The following PGAP1 variants were observed in gnomAD, a reference collection of about 807,000 sequenced individuals.
The protein encoded by PGAP1 is post-GPI attachment to proteins inositol deacylase 1, also known as GPI inositol-deacylase.
PGAP1 carries 76 observed loss-of-function variants against 127.0 expected under a neutral mutation model. The observed-to-expected ratio is 0.60, with a 90% CI of 0.50 to 0.72. PGAP1 has a LOEUF of 0.72. Ranked by LOEUF, PGAP1 falls within the 30% of genes least tolerant of loss-of-function variation. The probability of loss-of-function intolerance (pLI) is 0.00; values close to 1 mark genes in which losing one functional copy is unlikely to be tolerated. For missense variants in PGAP1, 982 were observed against 1,071.3 expected, an observed-to-expected ratio of 0.92 and a Z score of 1.16; for synonymous variants, 362 against 366.5, an observed-to-expected ratio of 0.99 and a Z score of 0.14.
chr2:196,875,404 G>T (rs1396110505), intron 14 of PGAP1, among the ~76,000 whole-genome samples: 1 of 152,108 alleles, frequency 6.6e-6, no homozygotes, highest in Non-Finnish European at 1.5e-5. Flanking sequence ...AAGTTTAAAA[G>T]AATATTTAGA....
At chr2:196,885,398 A>T in intron 12 of PGAP1, 26 bp downstream of exon 12, 1 of 1,532,884 alleles carries the variant, frequency 6.5e-7, no homozygotes, top group African/African-American at 1.4e-5. Flanking sequence ...TCAACTGAAT[A>T]TTAAAATTCT....
intron 9 of PGAP1, 44 bp from the exon 10 acceptor site, chr2:196,890,955 A>G (rs1240745436): frequency 2.1e-6 from 2 of 968,714 alleles, no homozygotes; most frequent in East Asian, 4.8e-5. Flanking sequence ...TAATGAGCAG[A>G]TTAGTTTCAT....
intron 14 of PGAP1, among the ~76,000 whole-genome samples, chr2:196,874,312 T>TA (rs1417119860): frequency 3.3e-5 from 5 of 152,156 alleles, no homozygotes; most frequent in African/African-American, 1.2e-4. Context: ...ATAAAATAGA[T>TA]ACCTCTGAGT....
chr2:196,892,697 T>C (rs1279371044), intron 8 of PGAP1, among the ~76,000 whole-genome samples: 1 of 152,220 alleles, frequency 6.6e-6, no homozygotes, highest in South Asian at 2.1e-4. Flanking sequence ...ATATAACAGG[T>C]ATAATTTGCT....
chr2:196,891,766 A>T (rs916268794), intron 9 of PGAP1, among the ~76,000 whole-genome samples: 7 of 152,138 alleles, frequency 4.6e-5, no homozygotes, highest in Admixed American at 1.3e-4. Flanking sequence ...ATTAAACATC[A>T]TAATTTTTGC....
chr2:196,885,797 A>G, intron 11 of PGAP1, 37 bp downstream of exon 11: 1 of 1,336,656 alleles, frequency 7.5e-7, no homozygotes, highest in Admixed American at 2.8e-5. Flanking sequence ...AGTATTGTTT[A>G]TGTTGAGATA....
chr2:196,915,855 C>A lies in PGAP1; in HGVS notation c.477+563G>T, dbSNP rs1022653431. Among the ~76,000 whole-genome samples, 3 of 152,346 alleles carry A rather than the reference C, an allele frequency of 2.0e-5. No individual in the cohort carries two copies. The East Asian group carries it at 5.8e-4, about 29-fold the overall frequency. On this transcript the variant is annotated intron_variant, in intron 3 of 26. Coordinates refer to ENST00000354764, the MANE Select transcript of PGAP1 (RefSeq NM_024989.4). ...CTCTCTTCTTTCTCATACCATGTCGCATTTAGCTGCTTCAGCAGCCCCCAA... is the reference window on the plus strand; with the variant it reads ...CTCTCTTCTTTCTCATACCATGTCGAATTTAGCTGCTTCAGCAGCCCCCAA...
chr2:196,834,687 T>C lies in PGAP1; in HGVS notation c.*6547A>G, dbSNP rs1416905588. 1.3e-5 allele frequency: 2 copies of C among 152,122 alleles called. No individual in the cohort carries two copies. The highest frequency in any genetic ancestry group is 1.9e-4 in the East Asian group (1 of 5,188). 9.4% of individuals were successfully genotyped at this position (152,122 alleles called of 1,614,324 possible). A position where few individuals can be genotyped will look rare whatever the true frequency, so the allele number is the denominator to read the frequency against. ...TACAGTATAAATCGGGAGTTTTTTTTCCACTGCACAGTGGAGGAAGGGAAG... is the reference window on the plus strand; with the variant it reads ...TACAGTATAAATCGGGAGTTTTTTTCCCACTGCACAGTGGAGGAAGGGAAG... On this transcript the variant is annotated 3_prime_UTR_variant, in exon 27 of 27. Coordinates refer to ENST00000354764, the MANE Select transcript of PGAP1 (RefSeq NM_024989.4).
At position 196,844,515 on chromosome 2, in the gene PGAP1, A is replaced by C; in HGVS notation, c.2337+9T>G. ...TAAATTTATGTAGAGTTTTGAAAATAAAACTTACCACAGGCTGGCTATTCT... is the reference window on the plus strand; with the variant it reads ...TAAATTTATGTAGAGTTTTGAAAATCAAACTTACCACAGGCTGGCTATTCT... On this transcript the variant is annotated intron_variant, in intron 24 of 26. Coordinates refer to ENST00000354764, the MANE Select transcript of PGAP1 (RefSeq NM_024989.4). 6.3e-7 allele frequency: 1 copy of C among 1,582,718 alleles called. No individual in the cohort carries two copies. Among genetic ancestry groups the C allele is most frequent in the Non-Finnish European group, 8.6e-7 (1 of 1,166,520 alleles).
rs1001607209 is a variant in PGAP1 at position 196,835,793 on chromosome 2, G to C, written c.*5441C>G. ...TTCCAATGCACAGCTTTATGCTAAA[G>C]AGAATTCAAATGTGTCTCTTTTTTT... On this transcript the variant is annotated 3_prime_UTR_variant, in exon 27 of 27. Transcript: ENST00000354764. 6.6e-6 allele frequency: 1 copy of C among 152,380 alleles called. No individual in the cohort carries two copies. The highest frequency in any genetic ancestry group is 1.5e-5 in the Non-Finnish European group (1 of 67,874). The allele number at this position is 152,380 out of a possible 1,614,324, so 9.4% of individuals were successfully genotyped here. A position where few individuals can be genotyped will look rare whatever the true frequency, so the allele number is the denominator to read the frequency against.
intron 1 of PGAP1, among the ~76,000 whole-genome samples, chr2:196,925,737 T>A (rs557380890): frequency 3.9e-5 from 6 of 152,132 alleles, no homozygotes; most frequent in African/African-American, 1.4e-4. Flanking sequence ...ATGCAACTAT[T>A]AAGAGGCTCG....
chr2:196,923,528 A>C (rs182381897), intron 1 of PGAP1, among the ~76,000 whole-genome samples: 1 of 152,334 alleles, frequency 6.6e-6, no homozygotes, highest in Non-Finnish European at 1.5e-5. Context: ...CACAAGGTAT[A>C]ATTTAGTTCT....
chr2:196,836,576 A>G lies in PGAP1; in HGVS notation c.*4658T>C, dbSNP rs1700240955. On this transcript the variant is annotated 3_prime_UTR_variant, in exon 27 of 27. Transcript: ENST00000354764. ...CTATTATTCTTATTAAAAGTAAAGA[A>G]TGGTAGTAGCTTCACAGCTTTCCTA... is the stretch of plus-strand genomic sequence containing the variant. 1 of 152,168 alleles carries G rather than the reference A, an allele frequency of 6.6e-6. No individual in the cohort carries two copies. Among genetic ancestry groups the G allele is most frequent in the Non-Finnish European group, 1.5e-5 (1 of 67,988 alleles). The allele number at this position is 152,168 out of a possible 1,614,324, so 9.4% of individuals were successfully genotyped here.
chr2:196,855,266 C>T (rs565883856), intron 20 of PGAP1, among the ~76,000 whole-genome samples: 7 of 142,846 alleles, frequency 4.9e-5, no homozygotes, highest in African/African-American at 1.9e-4. Flanking sequence ...GCAGAAGTTG[C>T]AGTGAGCCTA....
At chr2:196,890,089 C>T (rs1023831552) in intron 10 of PGAP1, among the ~76,000 whole-genome samples, 1 of 151,916 alleles carries the variant, frequency 6.6e-6, no homozygotes, top group Non-Finnish European at 1.5e-5. Flanking sequence ...GCTACCACCA[C>T]ACCCAGCTAA....
chr2:196,905,710 GT>G (rs1236965036), intron 4 of PGAP1, among the ~76,000 whole-genome samples: 6 of 150,194 alleles, frequency 4.0e-5, no homozygotes, highest in Non-Finnish European at 3.0e-5. Flanking sequence ...TCACTAGGGA[GT>G]GCCAGACAGT....
Position 196,836,012 on chromosome 2 carries a change from T to C in PGAP1, c.*5222A>G, listed in dbSNP as rs1261499089. 6.6e-6 allele frequency: 1 copy of C among 152,072 alleles called. No homozygotes were observed. Among genetic ancestry groups the C allele is most frequent in the Non-Finnish European group, 1.5e-5 (1 of 67,914 alleles). The allele number at this position is 152,072 out of a possible 1,614,324, so 9.4% of individuals were successfully genotyped here. A position where few individuals can be genotyped will look rare whatever the true frequency, so the allele number is the denominator to read the frequency against. On this transcript the variant is annotated 3_prime_UTR_variant, in exon 27 of 27. Coordinates refer to ENST00000354764, the MANE Select transcript of PGAP1 (RefSeq NM_024989.4). ...ACATTAAAAAATAGCATATGAACTTTACAAAAATGGCTACTTTTAGTCTTC... is the reference window on the plus strand; with the variant it reads ...ACATTAAAAAATAGCATATGAACTTCACAAAAATGGCTACTTTTAGTCTTC...
At chr2:196,884,211 C>T (rs1701823079) in intron 12 of PGAP1, among the ~76,000 whole-genome samples, 1 of 151,948 alleles carries the variant, frequency 6.6e-6, no homozygotes, top group African/African-American at 2.4e-5. Context: ...TACAATTCAT[C>T]CACGTAATAA....
Position 196,843,951 on chromosome 2 carries a change from T to C in PGAP1, c.2462A>G (p.Asn821Ser). ...GAGTAATACAATCCATGTTAGTAAG[T>C]TAATCACAGTACTGTGCATGCGAAG... ...DSLRMHSTVINLLTWIVLLSM... is the reference protein window; with the variant it reads ...DSLRMHSTVISLLTWIVLLSM... The change falls in exon 25 of 27, where the codon AAC becomes AGC. Residue 821 changes from asparagine to serine, a missense_variant. Physicochemically the swap from Asn to Ser is conservative, Grantham distance 46. Transcript: ENST00000354764. 6.3e-7 allele frequency: 1 copy of C among 1,596,682 alleles called. No homozygotes were observed. The highest frequency in any genetic ancestry group is 1.1e-5 in the South Asian group (1 of 88,372).
Sources: allele counts gnomAD v4.1 joint callset (sites outside exome capture counted in the v4.1 genomes callset), GRCh38; gene constraint gnomAD v4.1.1; transcripts MANE v1.5; gene names NCBI Gene and HGNC (gene_info 2026-07-23, HGNC 2026-07-21).